CTNNA2: variants seen among roughly 807,000 people sequenced by gnomAD.
The protein encoded by CTNNA2 is catenin alpha 2.
A neutral mutation model predicts 101.0 loss-of-function variants in CTNNA2; 42 were observed. That is an observed-to-expected ratio of 0.42 (90% confidence interval 0.32 to 0.54). CTNNA2 has a LOEUF of 0.54. Ranked by LOEUF, CTNNA2 falls within the 20% of genes least tolerant of loss-of-function variation. The pLI, the probability that CTNNA2 is intolerant of heterozygous loss-of-function variation, is 0.14. For missense variants in CTNNA2, 871 were observed against 1,223.1 expected (o/e 0.71, Z 4.29); for synonymous variants, 450 against 456.4 (o/e 0.99, Z 0.18).
At position 80,075,680 on chromosome 2, in the gene CTNNA2, TA is replaced by T. The variant is rs539474325; in HGVS notation, c.1056+165888del. On this transcript the variant is annotated intron_variant, in intron 7 of 18. Coordinates refer to ENST00000402739, the MANE Select transcript of CTNNA2 (RefSeq NM_001282597.3). Reference sequence around the variant, plus strand: ...AATATTTATACATGTATAAATATTATAAAAATAATATTTATACTTGTATAAA... The same window carrying T: ...AATATTTATACATGTATAAATATTATAAAATAATATTTATACTTGTATAAA... 8.7e-4 allele frequency among the ~76,000 whole-genome samples: 68 copies of T among 78,454 alleles called. 5 individuals are homozygous for T. The highest frequency in any genetic ancestry group is 3.5e-3 in the African/African-American group (53 of 14,944). 51.5% of individuals were successfully genotyped at this position (78,454 alleles called of 152,430 possible).
chr2:79,456,269 C>T (rs934734047), intron 4 of CTNNA2, among the ~76,000 whole-genome samples: 5 of 151,700 alleles, frequency 3.3e-5, no homozygotes, highest in African/African-American at 1.2e-4. Flanking sequence ...CTGTCTTTTG[C>T]TCATTAAAGA....
chr2:79,723,667 A>G (rs1325276756), intron 2 of CTNNA2, among the ~76,000 whole-genome samples: 1 of 152,194 alleles, frequency 6.6e-6, no homozygotes, highest in African/African-American at 2.4e-5. Context: ...TCTACCTTAT[A>G]GATTAGGGAA....
At chr2:79,778,363 G>T (rs1042422348) in intron 3 of CTNNA2, among the ~76,000 whole-genome samples, 1 of 151,676 alleles carries the variant, frequency 6.6e-6, no homozygotes, top group African/African-American at 2.4e-5. Flanking sequence ...ATAAAAAAAG[G>T]CTTATTCATG....
At chr2:80,542,876 T>G (rs965373432) in intron 9 of CTNNA2, among the ~76,000 whole-genome samples, 6 of 107,748 alleles carry the variant, frequency 5.6e-5, no homozygotes, top group African/African-American at 2.4e-4. Context: ...ATCCTGATTT[T>G]TTCCCCCCCC....
At chr2:79,739,314 AG>A (rs1671118744) in intron 2 of CTNNA2, among the ~76,000 whole-genome samples, 1 of 152,166 alleles carries the variant, frequency 6.6e-6, no homozygotes, top group Non-Finnish European at 1.5e-5. Flanking sequence ...TTGCTTACAA[AG>A]GGGTTTCTCT....
At chr2:79,977,302 G>A (rs1487526096) in intron 7 of CTNNA2, among the ~76,000 whole-genome samples, 1 of 151,100 alleles carries the variant, frequency 6.6e-6, no homozygotes, top group Non-Finnish European at 1.5e-5. Flanking sequence ...TTATCATGTA[G>A]ACCCAGGGGC....
chr2:80,058,314 G>A (rs758282821), intron 7 of CTNNA2, among the ~76,000 whole-genome samples: 8 of 152,138 alleles, frequency 5.3e-5, no homozygotes, highest in Non-Finnish European at 7.4e-5. Context: ...AAGATCATAC[G>A]TAGTTTTCAT....
At chr2:79,725,230 A>T (rs1686752719) in intron 2 of CTNNA2, among the ~76,000 whole-genome samples, 1 of 152,236 alleles carries the variant, frequency 6.6e-6, no homozygotes, top group East Asian at 1.9e-4. Flanking sequence ...TTGATATTTA[A>T]ACATAAAATA....
At chr2:80,499,494 T>A (rs915693965) in intron 9 of CTNNA2, among the ~76,000 whole-genome samples, 7 of 143,780 alleles carry the variant, frequency 4.9e-5, no homozygotes, top group African/African-American at 1.9e-4. Context: ...TTGGCCTGAA[T>A]TTTTTTTTTT....
At chr2:79,209,831 ATCCTGTAAACATCCTTCCCTATACTC>A (rs1674147450) in intron 2 of CTNNA2, among the ~76,000 whole-genome samples, 1 of 76,486 alleles carries the variant, frequency 1.3e-5, no homozygotes, top group South Asian at 3.6e-4. Context: ...AGGCCTAAAA[ATCCTGTAAACATCCTTCCCTATACTC>A]TCCTGTTGGG....
At chr2:79,271,752 A>C (rs1459518065) in intron 2 of CTNNA2, among the ~76,000 whole-genome samples, 2 of 152,088 alleles carry the variant, frequency 1.3e-5, no homozygotes, top group Non-Finnish European at 2.9e-5. Context: ...AAGTTTCCCC[A>C]GTAAGAGGAA....
intron 9 of CTNNA2, among the ~76,000 whole-genome samples, chr2:80,486,311 G>T (rs1686578022): frequency 6.6e-6 from 1 of 152,104 alleles, no homozygotes; most frequent in African/African-American, 2.4e-5. Context: ...GTGACTAATA[G>T]TTCAGGCTCT....
At chr2:80,441,919 G>A (rs1297163539) in intron 9 of CTNNA2, among the ~76,000 whole-genome samples, 1 of 152,226 alleles carries the variant, frequency 6.6e-6, no homozygotes. Flanking sequence ...TAGGTCAAAA[G>A]GCAGAAGCCA....
At chr2:79,297,493 G>A (rs1317084682) in intron 2 of CTNNA2, among the ~76,000 whole-genome samples, 1 of 152,062 alleles carries the variant, frequency 6.6e-6, no homozygotes, top group African/African-American at 2.4e-5. Flanking sequence ...ACCTCAGTTG[G>A]CCACTTGGCT....
intron 13 of CTNNA2, among the ~76,000 whole-genome samples, chr2:80,580,212 A>G (rs1695409352): frequency 1.3e-5 from 2 of 152,192 alleles, no homozygotes; most frequent in African/African-American, 4.8e-5. Context: ...GCACTTAGAA[A>G]AAACGTTGAC....
At chr2:80,088,646 T>G (rs1470041256) in intron 7 of CTNNA2, among the ~76,000 whole-genome samples, 1 of 152,106 alleles carries the variant, frequency 6.6e-6, no homozygotes, top group East Asian at 1.9e-4. Flanking sequence ...GTTATTATTT[T>G]GGTTTTGTTT....
At chr2:80,308,920 C>G (rs540706357) in intron 7 of CTNNA2, among the ~76,000 whole-genome samples, 1 of 152,126 alleles carries the variant, frequency 6.6e-6, no homozygotes, top group East Asian at 1.9e-4. Flanking sequence ...GAAACCCCCT[C>G]TCTACTAAAA....
chr2:80,181,212 A>G (rs553966503), intron 7 of CTNNA2, among the ~76,000 whole-genome samples: 3 of 152,146 alleles, frequency 2.0e-5, no homozygotes, highest in African/African-American at 4.8e-5. Flanking sequence ...TTGCCTAGCA[A>G]CTGCCTCAGG....
chr2:79,468,090 G>C (rs1670958730), intron 4 of CTNNA2, among the ~76,000 whole-genome samples: 1 of 152,132 alleles, frequency 6.6e-6, no homozygotes, highest in Non-Finnish European at 1.5e-5. Context: ...TAGCAAATTA[G>C]ATAAAGAGTC....
Sources: allele counts gnomAD v4.1 joint callset (sites outside exome capture counted in the v4.1 genomes callset), GRCh38; gene constraint gnomAD v4.1.1; transcripts MANE v1.5; gene names NCBI Gene and HGNC (gene_info 2026-07-23, HGNC 2026-07-21).